The following STX8 variants were observed in gnomAD, a reference collection of about 807,000 sequenced individuals.
The protein encoded by STX8 is syntaxin-8.
Under a neutral mutation model 37.5 loss-of-function variants are expected in STX8, and 23 were observed. The observed-to-expected ratio is 0.61, with a 90% CI of 0.44 to 0.87. The LOEUF (loss-of-function observed/expected upper bound fraction) is 0.87. Ranked by LOEUF, STX8 falls within the 40% of genes least tolerant of loss-of-function variation. The probability of loss-of-function intolerance (pLI) is 0.00; values close to 1 mark genes in which losing one functional copy is unlikely to be tolerated. For missense variants in STX8, 313 were observed against 284.7 expected, an observed-to-expected ratio of 1.10 and a Z score of -0.71; for synonymous variants, 115 against 99.1, an observed-to-expected ratio of 1.16 and a Z score of -0.95.
At position 9,362,841 on chromosome 17, in the gene STX8, A is replaced by T. The variant is rs549931490; in HGVS notation, c.643+15711T>A. 9.3e-4 allele frequency among the ~76,000 whole-genome samples: 99 copies of T among 105,990 alleles called. 1 individual carries two copies. The highest frequency in any genetic ancestry group is 2.9e-3 in the Admixed American group (34 of 11,602). The allele number at this position is 105,990 out of a possible 152,430, so 69.5% of individuals were successfully genotyped here. ...GAGACTCCGTCTCAAAAAAAAAAAA[A>T]AATAAATAAATAAATAAATAAATAA... On this transcript the variant is annotated intron_variant, in intron 7 of 7. Transcript: ENST00000306357.
intron 4 of STX8, among the ~76,000 whole-genome samples, chr17:9,536,288 G>A (rs1289116221): frequency 3.3e-5 from 5 of 152,146 alleles, no homozygotes; most frequent in South Asian, 2.1e-4. Flanking sequence ...GGAGTCACTC[G>A]GAAGGGAAAG....
chr17:9,289,435 G>A (rs144832313), intron 7 of STX8, among the ~76,000 whole-genome samples: 8 of 152,188 alleles, frequency 5.3e-5, no homozygotes, highest in East Asian at 1.9e-4. Context: ...TTAGAAGGAC[G>A]AGGACTCCAG....
intron 7 of STX8, among the ~76,000 whole-genome samples, chr17:9,290,896 T>C (rs909943667): frequency 3.3e-5 from 5 of 152,290 alleles, no homozygotes; most frequent in Admixed American, 3.3e-4. Flanking sequence ...TCTTGTCTAA[T>C]GTCCTCTGCT....
At chr17:9,399,160 C>T (rs1453922387) in intron 6 of STX8, among the ~76,000 whole-genome samples, 1 of 151,998 alleles carries the variant, frequency 6.6e-6, no homozygotes, top group Non-Finnish European at 1.5e-5. Flanking sequence ...AGGCATGTCG[C>T]CAACTGATTT....
intron 6 of STX8, among the ~76,000 whole-genome samples, chr17:9,475,976 C>G (rs571708706): frequency 7.2e-5 from 11 of 152,186 alleles, no homozygotes; most frequent in Admixed American, 7.2e-4. Flanking sequence ...GTCAGGAGTT[C>G]GAGACCAGCC....
intron 6 of STX8, among the ~76,000 whole-genome samples, chr17:9,465,626 T>TC (rs1261299339): frequency 6.6e-6 from 1 of 152,084 alleles, no homozygotes; most frequent in Non-Finnish European, 1.5e-5. Context: ...AAAGGCGAGT[T>TC]CAAACATTTC....
intron 6 of STX8, among the ~76,000 whole-genome samples, chr17:9,449,524 G>A (rs1432001592): frequency 6.6e-6 from 1 of 152,186 alleles, no homozygotes; most frequent in Non-Finnish European, 1.5e-5. Flanking sequence ...TGGAGCCACT[G>A]CACTCCAGCC....
At chr17:9,330,941 T>C (rs983369387) in intron 7 of STX8, among the ~76,000 whole-genome samples, 2 of 152,226 alleles carry the variant, frequency 1.3e-5, no homozygotes, top group African/African-American at 4.8e-5. Flanking sequence ...CACGAATAAC[T>C]AGCTAGCAAT....
rs149956213 is a variant in STX8, at chr17:9,477,437, C to T, written c.541+14392G>A. Among the ~76,000 whole-genome samples the T allele has an allele frequency of 5.5e-3, 839 of 152,178 alleles. 8 individuals carry two copies. Among genetic ancestry groups the T allele is most frequent in the African/African-American group, 0.02 (813 of 41,526 alleles). ...AAAACACTCACCATTTTTTAAAGTT[C>T]TAACTAGTGCCATTCAAAGGATTAA... On this transcript the variant is annotated intron_variant, in intron 6 of 7. Coordinates refer to ENST00000306357, the MANE Select transcript of STX8 (RefSeq NM_004853.3).
rs1911749304 is a variant in STX8 at position 9,380,261 on chromosome 17, T to G, written c.542-1608A>C. 2.1e-5 allele frequency among the ~76,000 whole-genome samples: 3 copies of G among 146,282 alleles called. No individual in the cohort carries two copies. In the East Asian group the frequency reaches 5.9e-4, roughly 29 times the overall value. On this transcript the variant is annotated intron_variant, in intron 6 of 7. Transcript: ENST00000306357. ...TTGTTTGAATTTCTGTGTGTTTTTTTTTTTTTTTTTTTTTTGAGAGAGAGG... is the reference window on the plus strand; with the variant it reads ...TTGTTTGAATTTCTGTGTGTTTTTTGTTTTTTTTTTTTTTTGAGAGAGAGG...
intron 6 of STX8, among the ~76,000 whole-genome samples, chr17:9,457,568 C>G (rs1231575593): frequency 6.6e-6 from 1 of 152,254 alleles, no homozygotes; most frequent in Non-Finnish European, 1.5e-5. Context: ...CGTAAAGTAA[C>G]ACATCTTCAG....
intron 7 of STX8, among the ~76,000 whole-genome samples, chr17:9,308,009 T>C (rs951255532): frequency 6.6e-5 from 10 of 152,090 alleles, no homozygotes; most frequent in Non-Finnish European, 8.8e-5. Flanking sequence ...AGGTTAGCGA[T>C]AGAAAAGCAC....
At chr17:9,307,636 T>C (rs899460559) in intron 7 of STX8, among the ~76,000 whole-genome samples, 5 of 152,128 alleles carry the variant, frequency 3.3e-5, no homozygotes, top group African/African-American at 1.2e-4. Context: ...GAATTAACAG[T>C]TTCCCACTAT....
intron 6 of STX8, among the ~76,000 whole-genome samples, chr17:9,480,143 C>A (rs1466714460): frequency 6.6e-6 from 1 of 152,260 alleles, no homozygotes; most frequent in East Asian, 1.9e-4. Context: ...TGTATCTGTG[C>A]AGTATCTGTC....
intron 7 of STX8, among the ~76,000 whole-genome samples, chr17:9,298,273 A>G (rs960454027): frequency 3.3e-5 from 5 of 152,212 alleles, no homozygotes; most frequent in Non-Finnish European, 7.3e-5. Context: ...ATGTGAGCAC[A>G]TGTGGAGCGT....
chr17:9,460,118 C>T (rs1026671095), intron 6 of STX8, among the ~76,000 whole-genome samples: 10 of 152,096 alleles, frequency 6.6e-5, no homozygotes, highest in Admixed American at 1.3e-4. Context: ...AGCAAAGTCT[C>T]CTTCTTTTGC....
intron 6 of STX8, among the ~76,000 whole-genome samples, chr17:9,430,040 GAATATATATATTCTATAT>G (rs1235689465): frequency 0.024 from 283 of 11,862 alleles, 22 homozygotes; most frequent in South Asian, 0.077. Context: ...ATATTCTATA[GAATATATATATTCTATAT>G]AATATATATA....
intron 4 of STX8, among the ~76,000 whole-genome samples, chr17:9,513,785 T>C (rs568486304): frequency 7.9e-5 from 12 of 152,256 alleles, no homozygotes; most frequent in African/African-American, 2.9e-4. Context: ...CAACAACAGA[T>C]GAATGGATAA....
At chr17:9,450,900 C>G (rs1905019083) in intron 6 of STX8, among the ~76,000 whole-genome samples, 1 of 151,972 alleles carries the variant, frequency 6.6e-6, no homozygotes, top group African/African-American at 2.4e-5. Context: ...TCTTTTGCAG[C>G]CTTCCTCCAT....
Sources: allele counts gnomAD v4.1 joint callset (sites outside exome capture counted in the v4.1 genomes callset), GRCh38; gene constraint gnomAD v4.1.1; transcripts MANE v1.5; gene names NCBI Gene and HGNC (gene_info 2026-07-23, HGNC 2026-07-21).